KCNIP4: variants seen among roughly 807,000 people sequenced by gnomAD.
KCNIP4 encodes potassium voltage-gated channel interacting protein 4, also known as Kv channel-interacting protein 4.
Under a neutral mutation model 34.0 loss-of-function variants are expected in KCNIP4, and 12 were observed. The observed-to-expected ratio is 0.35, with a 90% CI of 0.23 to 0.57. The LOEUF (loss-of-function observed/expected upper bound fraction) is 0.57, where lower values mean the gene tolerates loss of function less well. KCNIP4 is among the 20% of genes least tolerant of loss of function. KCNIP4 has a pLI of 0.83. For missense variants in KCNIP4, 238 were observed against 311.7 expected (o/e 0.76, Z 1.78); for synonymous variants, 124 against 102.2 (o/e 1.21, Z -1.29).
intron 1 of KCNIP4, among the ~76,000 whole-genome samples, chr4:21,018,218 C>A (rs572469692): frequency 1.3e-5 from 2 of 152,088 alleles, no homozygotes; most frequent in Non-Finnish European, 2.9e-5. Flanking sequence ...TTGTTGTCAT[C>A]GTTTTATGTT....
At chr4:21,206,302 G>A (rs1351420173) in intron 1 of KCNIP4, among the ~76,000 whole-genome samples, 1 of 152,090 alleles carries the variant, frequency 6.6e-6, no homozygotes, top group Non-Finnish European at 1.5e-5. Flanking sequence ...ATTATTTCTG[G>A]ATACTGCAGT....
At chr4:20,878,309 C>A (rs990913832) in intron 2 of KCNIP4, among the ~76,000 whole-genome samples, 1 of 152,106 alleles carries the variant, frequency 6.6e-6, no homozygotes, top group Non-Finnish European at 1.5e-5. Context: ...TTCTGATAAT[C>A]GTAATCTTTT....
At chr4:21,362,129 A>T (rs1357175327) in intron 1 of KCNIP4, among the ~76,000 whole-genome samples, 1 of 152,134 alleles carries the variant, frequency 6.6e-6, no homozygotes, top group African/African-American at 2.4e-5. Flanking sequence ...GAAATAGTCT[A>T]ACTGCACACT....
intron 1 of KCNIP4, among the ~76,000 whole-genome samples, chr4:20,916,521 C>A (rs1728829743): frequency 6.6e-6 from 1 of 152,062 alleles, no homozygotes; most frequent in South Asian, 2.1e-4. Flanking sequence ...GAATTTTCCA[C>A]GAACACATGA....
At chr4:20,994,602 A>G (rs763893065) in intron 1 of KCNIP4, among the ~76,000 whole-genome samples, 37 of 152,342 alleles carry the variant, frequency 2.4e-4, no homozygotes, top group Non-Finnish European at 4.6e-4. Context: ...AAGCCCAGAC[A>G]TGAACTAGGA....
chr4:21,804,182 G>A (rs1721162946), intron 1 of KCNIP4, among the ~76,000 whole-genome samples: 1 of 152,248 alleles, frequency 6.6e-6, no homozygotes, highest in Non-Finnish European at 1.5e-5. Context: ...TATCTTAGTA[G>A]TTTTCATTTA....
intron 1 of KCNIP4, among the ~76,000 whole-genome samples, chr4:21,615,875 A>G (rs1744559126): frequency 6.6e-6 from 1 of 152,186 alleles, no homozygotes; most frequent in Non-Finnish European, 1.5e-5. Flanking sequence ...CTCCAAGGCC[A>G]CCACTTTGCT....
chr4:21,508,375 C>T (rs193087350), intron 1 of KCNIP4, among the ~76,000 whole-genome samples: 1 of 152,280 alleles, frequency 6.6e-6, no homozygotes, highest in Admixed American at 6.5e-5. Flanking sequence ...GGGTTCCAAG[C>T]TCACCGGAAA....
At chr4:21,554,537 A>T (rs1334202890) in intron 1 of KCNIP4, among the ~76,000 whole-genome samples, 1 of 152,152 alleles carries the variant, frequency 6.6e-6, no homozygotes, top group African/African-American at 2.4e-5. Context: ...ATTCTTTGCC[A>T]ATATTAGAAC....
intron 1 of KCNIP4, among the ~76,000 whole-genome samples, chr4:21,282,946 A>G (rs1004656738): frequency 1.3e-5 from 2 of 152,248 alleles, no homozygotes; most frequent in Non-Finnish European, 2.9e-5. Context: ...ATCTCCGTCA[A>G]CTGCTGAATG....
At chr4:21,941,469 C>A (rs1730199182) in intron 1 of KCNIP4, among the ~76,000 whole-genome samples, 1 of 149,876 alleles carries the variant, frequency 6.7e-6, no homozygotes, top group African/African-American at 2.4e-5. Flanking sequence ...ATTTTTCCTC[C>A]AAAACCTTTT....
chr4:21,441,302 C>T (rs1446697956), intron 1 of KCNIP4, among the ~76,000 whole-genome samples: 4 of 151,846 alleles, frequency 2.6e-5, no homozygotes, highest in Middle Eastern at 3.2e-3. Flanking sequence ...CCACCACGCC[C>T]GGCTAATTTT....
intron 1 of KCNIP4, among the ~76,000 whole-genome samples, chr4:21,239,817 G>T (rs1759664648): frequency 6.6e-6 from 1 of 152,110 alleles, no homozygotes; most frequent in Non-Finnish European, 1.5e-5. Flanking sequence ...ACAGTGTGGT[G>T]ATTCCTCAGG....
At chr4:21,693,766 G>C (rs1411075028) in intron 1 of KCNIP4, among the ~76,000 whole-genome samples, 1 of 152,046 alleles carries the variant, frequency 6.6e-6, no homozygotes, top group East Asian at 1.9e-4. Flanking sequence ...CTTACCTCCT[G>C]CTTTTAATAA....
intron 1 of KCNIP4, among the ~76,000 whole-genome samples, chr4:21,873,295 A>G (rs553134445): frequency 2.0e-5 from 3 of 152,286 alleles, no homozygotes; most frequent in African/African-American, 2.4e-5. Context: ...AACCTAAATG[A>G]TACAATGCAT....
chr4:20,850,884 A>T (rs769594007), intron 2 of KCNIP4: 1 of 422,562 alleles, frequency 2.4e-6, no homozygotes, highest in Non-Finnish European at 4.2e-6. Flanking sequence ...CTTGTCATTA[A>T]TGTAGATATT....
At chr4:20,752,005 C>G (rs1753721575) in intron 4 of KCNIP4, among the ~76,000 whole-genome samples, 1 of 151,082 alleles carries the variant, frequency 6.6e-6, no homozygotes, top group Non-Finnish European at 1.5e-5. Flanking sequence ...TTGTGTGGCT[C>G]AGTTTCCTCA....
intron 1 of KCNIP4, among the ~76,000 whole-genome samples, chr4:21,827,031 C>T (rs1412434742): frequency 6.6e-6 from 1 of 152,056 alleles, no homozygotes; most frequent in Non-Finnish European, 1.5e-5. Context: ...TGTAGAGTTA[C>T]TGCTTCTTCA....
At chr4:21,644,467 G>A (rs961476272) in intron 1 of KCNIP4, among the ~76,000 whole-genome samples, 3 of 152,138 alleles carry the variant, frequency 2.0e-5, no homozygotes, top group African/African-American at 4.8e-5. Context: ...ATATAATCTT[G>A]GCAATAAGAC....
Sources: gnomAD v4.1 joint callset for allele counts (sites outside exome capture counted in the v4.1 genomes callset) on GRCh38, gnomAD v4.1.1 for gene constraint, MANE v1.5 for transcripts, NCBI Gene and HGNC (gene_info 2026-07-23, HGNC 2026-07-21) for gene names.